Variants in USH2A observed in about 807,000 individuals in gnomAD.
The protein encoded by USH2A is usherin, also known as Usher syndrome 2A (autosomal recessive, mild).
USH2A carries 443 observed loss-of-function variants against 538.9 expected under a neutral mutation model. The observed-to-expected ratio is 0.82, with a 90% CI of 0.76 to 0.89. The LOEUF is 0.89. USH2A is among the 40% of genes least tolerant of loss of function. The probability of loss-of-function intolerance (pLI) is 0.00; values close to 1 mark genes in which losing one functional copy is unlikely to be tolerated. For synonymous variants in USH2A, 2,413 were observed against 2,273.5 expected (o/e 1.06, Z -1.75); for missense variants, 6,633 against 6,324.8 (o/e 1.05, Z -1.65).
At chr1:216,019,327 A>G (rs1361025033) in intron 32 of USH2A, among the ~76,000 whole-genome samples, 1 of 152,214 alleles carries the variant, frequency 6.6e-6, no homozygotes, top group East Asian at 1.9e-4. Flanking sequence ...AGCACAGGAC[A>G]TACGAAAGAA....
chr1:216,217,566 A>G lies in USH2A; in HGVS notation c.2994-16T>C, dbSNP rs1044358981. 2 of 1,612,222 alleles carry G rather than the reference A, an allele frequency of 1.2e-6. No individual in the cohort carries two copies. Among genetic ancestry groups the G allele is most frequent in the African/African-American group, 2.7e-5 (2 of 74,852 alleles). On this transcript the variant is annotated splice_polypyrimidine_tract_variant and intron_variant, in intron 14 of 71. Coordinates refer to ENST00000307340, the MANE Select transcript of USH2A (RefSeq NM_206933.4). ...AGGCTGACATCTGAAAACAAGGCAAATAAACCATCAAAGAGAATAGTGTTT... is the reference window on the plus strand; with the variant it reads ...AGGCTGACATCTGAAAACAAGGCAAGTAAACCATCAAAGAGAATAGTGTTT...
chr1:216,238,320 C>T lies in USH2A; in HGVS notation c.2810-6184G>A, dbSNP rs7534399. Among the ~76,000 whole-genome samples, 534 of 152,272 alleles carry T rather than the reference C, an allele frequency of 3.5e-3. 2 individuals are homozygous for T. The highest frequency in any genetic ancestry group is 0.012 in the African/African-American group (508 of 41,560). On this transcript the variant is annotated intron_variant, in intron 13 of 71. Transcript: ENST00000307340. ...AGTTCTCAAGGACAAGGGTGGGTCA[C>T]TGGCTCGGGATGCGTTGACATCCTT...
chr1:215,712,918 T>C (rs1354660127), intron 61 of USH2A, among the ~76,000 whole-genome samples: 1 of 152,028 alleles, frequency 6.6e-6, no homozygotes, highest in Non-Finnish European at 1.5e-5. Flanking sequence ...CAATTCTCCC[T>C]GCCTCAGCCT....
chr1:216,186,248 T>G (rs2034599480), intron 20 of USH2A, among the ~76,000 whole-genome samples: 1 of 151,484 alleles, frequency 6.6e-6, no homozygotes, highest in African/African-American at 2.4e-5. Context: ...ACATTTGAAA[T>G]TTACCACTAT....
At chr1:215,748,701 C>T (rs1266784354) in intron 58 of USH2A, among the ~76,000 whole-genome samples, 10 of 152,164 alleles carry the variant, frequency 6.6e-5, no homozygotes, top group Admixed American at 6.5e-4. Flanking sequence ...CCTTCTGCTG[C>T]CCTTATTTCC....
At chr1:216,319,357 A>G (rs1046482899) in intron 9 of USH2A, among the ~76,000 whole-genome samples, 1 of 152,224 alleles carries the variant, frequency 6.6e-6, no homozygotes, top group Admixed American at 6.5e-5. Flanking sequence ...AAATCAATCA[A>G]GTTAATCCAA....
At chr1:215,802,946 A>C (rs1186618524) in intron 49 of USH2A, among the ~76,000 whole-genome samples, 1 of 152,162 alleles carries the variant, frequency 6.6e-6, no homozygotes, top group African/African-American at 2.4e-5. Context: ...AAGGAATAAA[A>C]TCCTGACACG....
intron 9 of USH2A, among the ~76,000 whole-genome samples, chr1:216,314,272 C>T (rs143163382): frequency 5.9e-5 from 9 of 152,106 alleles, no homozygotes; most frequent in Non-Finnish European, 7.4e-5. Flanking sequence ...ACCTATCTCA[C>T]GGAAAGAACT....
intron 58 of USH2A, among the ~76,000 whole-genome samples, chr1:215,745,728 C>A (rs1459797939): frequency 2.0e-5 from 3 of 152,142 alleles, no homozygotes; most frequent in Non-Finnish European, 4.4e-5. Context: ...TGAACTTAGG[C>A]CCATCTGATA....
At chr1:216,377,855 GAAAGAAAGAAA>G (rs1558061837) in intron 3 of USH2A, among the ~76,000 whole-genome samples, 7 of 134,134 alleles carry the variant, frequency 5.2e-5, no homozygotes, top group African/African-American at 1.9e-4. Flanking sequence ...AAGAAAGAAA[GAAAGAAAGAAA>G]GAAGGAAAGA....
At chr1:216,052,255 C>T (rs924633443) in intron 30 of USH2A, among the ~76,000 whole-genome samples, 2 of 151,214 alleles carry the variant, frequency 1.3e-5, no homozygotes, top group African/African-American at 4.9e-5. Flanking sequence ...TGGAGAGAAA[C>T]TAGATCATCT....
At chr1:215,917,584 T>G (rs1204934237) in intron 38 of USH2A, among the ~76,000 whole-genome samples, 2 of 151,852 alleles carry the variant, frequency 1.3e-5, no homozygotes, top group Non-Finnish European at 2.9e-5. Context: ...TCAAAGCCAC[T>G]CTTTTCAGGA....
At chr1:216,200,256 C>T in intron 16 of USH2A, 135 bp from the exon 17 acceptor site, 1 of 969,016 alleles carries the variant, frequency 1.0e-6, no homozygotes. Flanking sequence ...GGATACATTT[C>T]ATATTTTTAA....
chr1:216,347,173 G>A (rs1195905825), intron 4 of USH2A, among the ~76,000 whole-genome samples: 3 of 151,974 alleles, frequency 2.0e-5, no homozygotes, highest in Non-Finnish European at 4.4e-5. Flanking sequence ...ATAAGGCCTG[G>A]GGACATGTGG....
intron 11 of USH2A, among the ~76,000 whole-genome samples, chr1:216,269,832 G>A (rs896696028): frequency 2.6e-5 from 4 of 152,036 alleles, no homozygotes; most frequent in Non-Finnish European, 5.9e-5. Flanking sequence ...ACAGTCAACC[G>A]GGTGACAATT....
intron 4 of USH2A, among the ~76,000 whole-genome samples, chr1:216,332,882 C>T (rs184646529): frequency 3.8e-4 from 58 of 152,158 alleles, no homozygotes; most frequent in African/African-American, 1.3e-3. Flanking sequence ...TCCAGATTTG[C>T]TACACTATGT....
At chr1:215,726,205 T>C (rs1238727591) in intron 61 of USH2A, among the ~76,000 whole-genome samples, 1 of 152,190 alleles carries the variant, frequency 6.6e-6, no homozygotes, top group Non-Finnish European at 1.5e-5. Flanking sequence ...TTGAAGGATA[T>C]GGTGGGAAGT....
chr1:216,082,094 T>C (rs1484257884), intron 26 of USH2A, among the ~76,000 whole-genome samples: 2 of 152,210 alleles, frequency 1.3e-5, no homozygotes, highest in Admixed American at 6.5e-5. Context: ...CCACAGTGTA[T>C]GCACATGTAG....
intron 61 of USH2A, among the ~76,000 whole-genome samples, chr1:215,683,954 G>A (rs771522716): frequency 7.9e-5 from 10 of 126,212 alleles, no homozygotes; most frequent in African/African-American, 1.4e-4. Context: ...CATATTGTAC[G>A]TAATTCTACA....
Sources: allele counts gnomAD v4.1 joint callset (sites outside exome capture counted in the v4.1 genomes callset), GRCh38; gene constraint gnomAD v4.1.1; transcripts MANE v1.5; gene names NCBI Gene and HGNC (gene_info 2026-07-23, HGNC 2026-07-21).